Variants in FIRRM observed in about 807,000 individuals in gnomAD.
FIRRM encodes FIGNL1-interacting regulator of recombination and mitosis.
At chr1:169,808,270 G>GCAAT in the FIRRM span, among the ~76,000 whole-genome samples, 1 of 152,022 alleles carries the variant, frequency 6.6e-6, no homozygotes, top group Non-Finnish European at 1.5e-5. Context: ...TGATATAGCT[G>GCAAT]CAATCAATCT....
the FIRRM span, chr1:169,792,850 T>C: frequency 6.2e-7 from 1 of 1,613,882 alleles, no homozygotes. Context: ...TTACAAAAAG[T>C]TTTTCACTAC....
chr1:169,854,037 T>TTTTC, the FIRRM span: 2 of 559,230 alleles, frequency 3.6e-6, no homozygotes, highest in South Asian at 5.4e-5. Flanking sequence ...AATCCCTTTT[T>TTTTC]TTTCTTTTTC....
the FIRRM span, chr1:169,853,458 T>C: frequency 6.5e-5 from 30 of 459,104 alleles, no homozygotes; most frequent in Non-Finnish European, 1.9e-5. Context: ...TTGCTCTTCA[T>C]AGAAACTGGC....
At chr1:169,823,356 A>G in the FIRRM span, 16 of 1,102,348 alleles carry the variant, frequency 1.5e-5, no homozygotes, top group Non-Finnish European at 4.1e-6. Context: ...GATTATATGT[A>G]CTAAAGAGAC....
chr1:169,803,262 CCCT>C, the FIRRM span: 3 of 1,613,746 alleles, frequency 1.9e-6, no homozygotes, highest in African/African-American at 2.7e-5. Context: ...TCAGAGTCTC[CCCT>C]CCTCAGTCCT....
At chr1:169,795,726 A>G in the FIRRM span, 9 of 985,370 alleles carry the variant, frequency 9.1e-6, no homozygotes, top group African/African-American at 1.7e-5. Context: ...GAAATCTTTA[A>G]AAGATGTTCA....
the FIRRM span, chr1:169,853,933 A>G: frequency 1.3e-6 from 1 of 789,498 alleles, no homozygotes; most frequent in Non-Finnish European, 2.0e-6. Context: ...AAAGTTGAAA[A>G]GTAGGATTAC....
chr1:169,811,897 T>A, the FIRRM span, among the ~76,000 whole-genome samples: 1 of 147,828 alleles, frequency 6.8e-6, no homozygotes, highest in Non-Finnish European at 1.5e-5. Flanking sequence ...AGATAGAGCT[T>A]GGACAACAGA....
At chr1:169,832,744 C>G in the FIRRM span, among the ~76,000 whole-genome samples, 1 of 152,004 alleles carries the variant, frequency 6.6e-6, no homozygotes, top group Admixed American at 6.6e-5. Flanking sequence ...GCTGGGACTA[C>G]AGGCACACAC....
At chr1:169,801,466 AAG>A in the FIRRM span, among the ~76,000 whole-genome samples, 1 of 150,988 alleles carries the variant, frequency 6.6e-6, no homozygotes, top group South Asian at 2.1e-4. Flanking sequence ...AAAAAAAAAA[AAG>A]AACTTATATT....
chr1:169,850,584 T>TTCAAGAC, the FIRRM span: 1 of 352,258 alleles, frequency 2.8e-6, no homozygotes, highest in African/African-American at 2.1e-5. Flanking sequence ...GATCATGAGG[T>TTCAAGAC]CAGGAGTTCA....
At chr1:169,844,878 G>C in the FIRRM span, among the ~76,000 whole-genome samples, 10 of 152,052 alleles carry the variant, frequency 6.6e-5, no homozygotes, top group Non-Finnish European at 2.9e-5. Flanking sequence ...TTTTAAATTG[G>C]GGGTTTGCAG....
the FIRRM span, among the ~76,000 whole-genome samples, chr1:169,788,572 G>A: frequency 6.6e-6 from 1 of 152,224 alleles, no homozygotes; most frequent in African/African-American, 2.4e-5. Flanking sequence ...AAAGGTGTAT[G>A]TGGACTTTCA....
At chr1:169,853,215 T>C in the FIRRM span, 1 of 544,688 alleles carries the variant, frequency 1.8e-6, no homozygotes, top group Non-Finnish European at 3.3e-6. Flanking sequence ...CAAAGAACCA[T>C]TTACTCAGAT....
the FIRRM span, chr1:169,800,832 T>C: frequency 1.1e-6 from 1 of 912,578 alleles, no homozygotes; most frequent in Non-Finnish European, 1.7e-6. Context: ...GCAGTGGCCT[T>C]TGTTGACTGA....
the FIRRM span, among the ~76,000 whole-genome samples, chr1:169,814,969 T>G: frequency 6.6e-6 from 1 of 152,074 alleles, no homozygotes; most frequent in Non-Finnish European, 1.5e-5. Flanking sequence ...GTTTTGTTTT[T>G]TTTTTTGTAA....
At chr1:169,795,128 C>T in the FIRRM span, 2 of 1,536,090 alleles carry the variant, frequency 1.3e-6, no homozygotes, top group Non-Finnish European at 1.7e-6. Context: ...GCGGTCCCAG[C>T]TAGCGCGGTT....
At chr1:169,852,015 T>C in the FIRRM span, 1 of 1,594,284 alleles carries the variant, frequency 6.3e-7, no homozygotes, top group Non-Finnish European at 8.6e-7. Flanking sequence ...AACAAACCAG[T>C]GTGGTTTCCA....
chr1:169,809,390 T>A, the FIRRM span, among the ~76,000 whole-genome samples: 2 of 152,226 alleles, frequency 1.3e-5, no homozygotes, highest in Non-Finnish European at 2.9e-5. Flanking sequence ...TTTACCTTTA[T>A]CCTATAGATT....
Sources: allele counts gnomAD v4.1 joint callset (sites outside exome capture counted in the v4.1 genomes callset), GRCh38; gene constraint gnomAD v4.1.1; transcripts MANE v1.5; gene names NCBI Gene and HGNC (gene_info 2026-07-23, HGNC 2026-07-21).